Variants in PCDH18 observed in about 807,000 individuals in gnomAD.
The protein encoded by PCDH18 is protocadherin-18.
A neutral mutation model predicts 71.5 loss-of-function variants in PCDH18; 38 were observed. The observed-to-expected ratio is 0.53, with a 90% CI of 0.41 to 0.70. The LOEUF is 0.70. Among genes scored for constraint, PCDH18 ranks in the 30% least tolerant of loss-of-function variants. The pLI is 0.00. For missense variants in PCDH18, 1,334 were observed against 1,384.6 expected (o/e 0.96, Z 0.58); for synonymous variants, 565 against 505.4 (o/e 1.12, Z -1.58).
At chr4:137,527,414 T>G (rs973645283) in intron 3 of PCDH18, among the ~76,000 whole-genome samples, 3 of 152,194 alleles carry the variant, frequency 2.0e-5, no homozygotes, top group African/African-American at 7.2e-5. Flanking sequence ...GTATTGCTAT[T>G]TTTTATTGTT....
Position 137,531,278 on chromosome 4 carries a change from T to C in PCDH18, c.811A>G (p.Thr271Ala), listed in dbSNP as rs774318011. ...CCATTAGCGCCCTCATCTGGATCCG[T>C]GGCATTCAGATCTAAGAGCAAAGTG... The part of the protein sequence containing the change: ...VGTLLLDLNA[T>A]DPDEGANGKI... The change falls in exon 1 of 4, where the codon ACG becomes GCG. Residue 271 changes from threonine (T) to alanine (A), a missense_variant. By Grantham distance (58) the Thr-to-Ala change is moderately conservative (BLOSUM62 0). This residue lies in a region of PCDH18 where 1,011 missense variants were observed against 1,048.0 expected (regional missense o/e 0.96). Coordinates refer to ENST00000344876, the MANE Select transcript of PCDH18 (RefSeq NM_019035.5). 1 of 1,613,956 alleles carries C rather than the reference T, an allele frequency of 6.2e-7. No individual in the cohort carries two copies. Among genetic ancestry groups the C allele is most frequent in the Admixed American group, 1.7e-5 (1 of 60,024 alleles).
At chr4:137,525,216 C>CA (rs957749323) in intron 3 of PCDH18, among the ~76,000 whole-genome samples, 4 of 151,756 alleles carry the variant, frequency 2.6e-5, no homozygotes, top group Non-Finnish European at 5.9e-5. Flanking sequence ...AGCCAACAGA[C>CA]AAAAAAATGC....
intron 1 of PCDH18, 73 bp downstream of exon 1, chr4:137,529,529 A>G (rs888244925): frequency 9.8e-7 from 1 of 1,021,730 alleles, no homozygotes; most frequent in Non-Finnish European, 1.5e-6. Context: ...GAAAACATTT[A>G]AGAACTAGTA....
intron 3 of PCDH18, among the ~76,000 whole-genome samples, chr4:137,522,484 A>T (rs1346892001): frequency 6.6e-6 from 1 of 151,924 alleles, no homozygotes; most frequent in Non-Finnish European, 1.5e-5. Context: ...AGAGGAAAAA[A>T]CCCCTCTACA....
In PCDH18 at chr4:137,530,602, T is replaced by C; in HGVS notation, c.1487A>G (p.Glu496Gly). The change falls in exon 1 of 4, where the codon GAA becomes GGA. Residue 496 changes from glutamate to glycine, a missense_variant. By Grantham distance (98) the Glu-to-Gly change is moderately conservative. Transcript: ENST00000344876. ...TVTATDPDLG[E>G]NGQVTYTILE... ...GATGGTGTATGTCACTTGCCCATTT[T>C]CTCCAAGATCAGGATCTGTGGCTGT... The C allele has an allele frequency of 6.2e-7, 1 of 1,614,166 alleles. No individual in the cohort carries two copies. Among genetic ancestry groups the C allele is most frequent in the South Asian group, 1.1e-5 (1 of 91,082 alleles).
rs761594712 is a variant in PCDH18, at chr4:137,532,010, C to G, written c.79G>C (p.Gly27Arg). The G allele has an allele frequency of 6.2e-7, 1 of 1,613,884 alleles. No individual in the cohort carries two copies. Among genetic ancestry groups the G allele is most frequent in the East Asian group, 2.2e-5 (1 of 44,856 alleles). Reference protein sequence around the residue: ...LIVSFNHDVLGKNLKYRIYEE... With the variant: ...LIVSFNHDVLRKNLKYRIYEE... Reference sequence around the variant, plus strand: ...TAAATCCTGTATTTCAAATTCTTGCCCAGTACATCGTGGTTGAAAGATACT... The same window carrying G: ...TAAATCCTGTATTTCAAATTCTTGCGCAGTACATCGTGGTTGAAAGATACT... The change falls in exon 1 of 4, where the codon GGC becomes CGC. Residue 27 changes from glycine to arginine, a missense_variant. Around this residue, in one of 3 missense-constraint regions of PCDH18, gnomAD observed 1,011 missense variants for 1,048.0 expected, o/e 0.96. Coordinates refer to ENST00000344876, the MANE Select transcript of PCDH18 (RefSeq NM_019035.5).
rs199993180 is a variant in PCDH18, at chr4:137,521,035, C to A, written c.3402G>T (p.Gln1134His). 6.3e-7 allele frequency: 1 copy of A among 1,582,624 alleles called. No homozygotes were observed. The highest frequency in any genetic ancestry group is 2.3e-5 in the East Asian group (1 of 44,286). Reference protein sequence around the residue: ...EINKLLQDVRQS With the variant: ...EINKLLQDVRHS ...AATGCTTCGCTAAAATCTCCTAGCTCTGGCGGACATCTTGAAGCAGTTTGT... is the reference window on the plus strand; with the variant it reads ...AATGCTTCGCTAAAATCTCCTAGCTATGGCGGACATCTTGAAGCAGTTTGT... The change falls in exon 4 of 4, where the codon CAG (glutamine) becomes CAT (histidine). Residue 1134 changes from glutamine (Q) to histidine (H), a missense_variant. Gln to His is a conservative substitution (Grantham distance 24). Around this residue, in one of 3 missense-constraint regions of PCDH18, gnomAD observed 319 missense variants for 316.3 expected, o/e 1.01. Coordinates refer to ENST00000344876, the MANE Select transcript of PCDH18 (RefSeq NM_019035.5).
At chr4:137,523,506 C>T (rs1270330271) in intron 3 of PCDH18, among the ~76,000 whole-genome samples, 1 of 151,790 alleles carries the variant, frequency 6.6e-6, no homozygotes, top group Non-Finnish European at 1.5e-5. Flanking sequence ...TTAGACCTGT[C>T]TCTATTGTCT....
At position 137,520,325 on chromosome 4, in the gene PCDH18, T is replaced by C. The variant is rs1192254588; in HGVS notation, c.*704A>G. 6 of 152,150 alleles carry C rather than the reference T, an allele frequency of 3.9e-5. No homozygotes were observed. The highest frequency in any genetic ancestry group is 1.4e-4 in the African/African-American group (6 of 41,460). The allele number at this position is 152,150 out of a possible 1,614,324, so 9.4% of individuals were successfully genotyped here. On this transcript the variant is annotated 3_prime_UTR_variant, in exon 4 of 4. Coordinates refer to ENST00000344876, the MANE Select transcript of PCDH18 (RefSeq NM_019035.5). ...AGAAATATTCTCCGGAACAGGCCAG[T>C]GTGATGGCCTGGAATAGTAGGGGCC... is the stretch of plus-strand genomic sequence containing the variant.
intron 1 of PCDH18, 149 bp from the exon 2 acceptor site, chr4:137,528,969 C>A: frequency 1.6e-6 from 1 of 644,746 alleles, no homozygotes. Context: ...TGGACTGTGG[C>A]GGACCACGCA....
In PCDH18 at chr4:137,531,264, C is replaced by G; in HGVS notation, c.825G>C (p.Glu275Asp). Reference sequence around the variant, plus strand: ...AATATACAATTTTCCCATTAGCGCCCTCATCTGGATCCGTGGCATTCAGAT... The same window carrying G: ...AATATACAATTTTCCCATTAGCGCCGTCATCTGGATCCGTGGCATTCAGAT... ...LLDLNATDPD[E>D]GANGKIVYSF... is the part of the protein sequence containing the mutation. The change falls in exon 1 of 4, where the codon GAG becomes GAC. Residue 275 changes from glutamate to aspartate, a missense_variant. This residue lies in a region of PCDH18 where 1,011 missense variants were observed against 1,048.0 expected (regional missense o/e 0.96). Transcript: ENST00000344876. 1 of 1,613,954 alleles carries G rather than the reference C, an allele frequency of 6.2e-7. No individual in the cohort carries two copies. Among genetic ancestry groups the G allele is most frequent in the Non-Finnish European group, 8.5e-7 (1 of 1,179,922 alleles).
At chr4:137,524,762 T>C (rs1328346337) in intron 3 of PCDH18, among the ~76,000 whole-genome samples, 2 of 152,192 alleles carry the variant, frequency 1.3e-5, no homozygotes, top group African/African-American at 4.8e-5. Flanking sequence ...TAGTTCAATG[T>C]TGCTGGGCAA....
In PCDH18 at chr4:137,521,386, C is replaced by T. The variant is rs905601543; in HGVS notation, c.3051G>A (p.Pro1017=). Residue 1017 remains proline, a synonymous_variant, in exon 4 of 4, where the codon CCG becomes CCA. Coordinates refer to ENST00000344876, the MANE Select transcript of PCDH18 (RefSeq NM_019035.5). The part of the protein sequence containing the change: ...EMSSVFQRLL[P]PSLDTYSECS... ...ATTCAGAATAGGTGTCCAGGGAAGG[C>T]GGTAAGAGACGCTGGAACACACTGC... The T allele has an allele frequency of 3.1e-6, 5 of 1,614,020 alleles. No homozygotes were observed. The highest frequency in any genetic ancestry group is 4.2e-6 in the Non-Finnish European group (5 of 1,180,018).
rs761489518 is a variant in PCDH18 at position 137,531,310 on chromosome 4, G to A, written c.779C>T (p.Pro260Leu). ...CAGATCTAAGAGCAAAGTGCCAACC[G>A]GGGAGTTTTCTAAGAGTTGTATTAT... Reference protein sequence around the residue: ...SYIIQLLENSPVGTLLLDLNA... With the variant: ...SYIIQLLENSLVGTLLLDLNA... Residue 260 changes from proline to leucine, a missense_variant, in exon 1 of 4, where the codon CCG (proline) becomes CTG (leucine). Around this residue, in one of 3 missense-constraint regions of PCDH18, gnomAD observed 1,011 missense variants for 1,048.0 expected, o/e 0.96. Transcript: ENST00000344876. The A allele has an allele frequency of 2.5e-6, 4 of 1,614,032 alleles. No homozygotes were observed. The highest frequency in any genetic ancestry group is 1.7e-5 in the Admixed American group (1 of 60,012).
intron 1 of PCDH18, 58 bp from the exon 2 acceptor site, chr4:137,528,878 C>G (rs1731558427): frequency 8.6e-7 from 1 of 1,158,242 alleles, no homozygotes; most frequent in Non-Finnish European, 1.3e-6. Context: ...CACTCACAAT[C>G]TTTAAGCAAG....
At chr4:137,526,473 A>G (rs1292861808) in intron 3 of PCDH18, among the ~76,000 whole-genome samples, 1 of 152,120 alleles carries the variant, frequency 6.6e-6, no homozygotes, top group Non-Finnish European at 1.5e-5. Context: ...TTTATTACAC[A>G]AGTACGAATA....
Position 137,531,424 on chromosome 4 carries a change from C to G in PCDH18, c.665G>C (p.Gly222Ala). ...GGATGAGCCAGACCTCTGAGGTACT[C>G]CCATGTCTGAGGCAGTGAGCTGAAG... is the stretch of plus-strand genomic sequence containing the variant. The part of the protein sequence containing the change: ...YELQLTASDM[G>A]VPQRSGSSIL... Residue 222 changes from glycine (G) to alanine (A), a missense_variant, in exon 1 of 4, where the codon GGA becomes GCA. Physicochemically the swap from Gly to Ala is moderately conservative, Grantham distance 60. Transcript: ENST00000344876. The G allele has an allele frequency of 6.2e-7, 1 of 1,613,058 alleles. No individual in the cohort carries two copies. The highest frequency in any genetic ancestry group is 8.5e-7 in the Non-Finnish European group (1 of 1,179,548).
At position 137,530,430 on chromosome 4, in the gene PCDH18, C is replaced by G; in HGVS notation, c.1659G>C (p.Pro553=). The G allele has an allele frequency of 1.2e-6, 2 of 1,614,090 alleles. No homozygotes were observed. Among genetic ancestry groups the G allele is most frequent in the South Asian group, 2.2e-5 (2 of 91,074 alleles). ...FVVEARDGGS[P]KQLVSNTTVV... is the part of the protein sequence containing the mutation. ...CTGTGGTATTGCTTACCAGTTGCTTCGGGCTTCCTCCATCTCTTGCTTCTA... is the reference window on the plus strand; with the variant it reads ...CTGTGGTATTGCTTACCAGTTGCTTGGGGCTTCCTCCATCTCTTGCTTCTA... The change falls in exon 1 of 4, where the codon CCG becomes CCC. Residue 553 remains proline, a synonymous_variant. Transcript: ENST00000344876.
rs1177466466 is a variant in PCDH18 at position 137,521,630 on chromosome 4, A to G, written c.2807T>C (p.Leu936Pro). The G allele has an allele frequency of 3.9e-5, 63 of 1,613,086 alleles. No individual in the cohort carries two copies. The highest frequency in any genetic ancestry group is 5.2e-5 in the Non-Finnish European group (61 of 1,179,976). ...CCTATAATCAGAAGACGGTGAGGGC[A>G]GTGGTGGCATCCAGCACTGGTCAGA... ...GHSDQCWMPP[L>P]PSPSSDYRSN... The change falls in exon 4 of 4, where the codon CTG (leucine) becomes CCG (proline). Residue 936 changes from leucine to proline, a missense_variant. Transcript: ENST00000344876.
Sources: gnomAD v4.1 joint callset for allele counts (sites outside exome capture counted in the v4.1 genomes callset) on GRCh38, gnomAD v4.1.1 for gene constraint, gnomAD v4.1.1 regional missense constraint, MANE v1.5 for transcripts, NCBI Gene and HGNC (gene_info 2026-07-23, HGNC 2026-07-21) for gene names.